The following SAMSN1 variants were observed in gnomAD, a reference collection of about 807,000 sequenced individuals.
SAMSN1 encodes the protein SAM domain, SH3 domain and nuclear localization signals 1, also known as SAM domain-containing protein SAMSN-1.
A neutral mutation model predicts 42.0 loss-of-function variants in SAMSN1; 31 were observed. The ratio of observed to expected loss-of-function variants is 0.74; its 90% confidence interval spans 0.55 to 1.00. The LOEUF (loss-of-function observed/expected upper bound fraction) is 1.00. SAMSN1 is among the 50% of genes least tolerant of loss of function. The pLI, the probability that SAMSN1 is intolerant of heterozygous loss-of-function variation, is 0.00. For missense variants in SAMSN1, 464 were observed against 439.4 expected (o/e 1.06, Z -0.50); for synonymous variants, 178 against 151.9 (o/e 1.17, Z -1.26).
chr21:14,617,472 T>G (rs1600966419), intron 2 of SAMSN1, among the ~76,000 whole-genome samples: 1 of 152,134 alleles, frequency 6.6e-6, no homozygotes, highest in South Asian at 2.1e-4. Flanking sequence ...CATCCATCTT[T>G]ATAGTAGTGT....
chr21:14,489,298 T>C (rs1472183135), intron 7 of SAMSN1, among the ~76,000 whole-genome samples: 1 of 152,186 alleles, frequency 6.6e-6, no homozygotes, highest in African/African-American at 2.4e-5. Flanking sequence ...GATGTTTCAG[T>C]GCATCTTTTT....
chr21:14,498,442 T>A lies in SAMSN1; in HGVS notation c.919A>T (p.Ile307Phe), dbSNP rs1206298406. The stretch of plus-strand genomic sequence containing the variant: ...GAGAAGAGTAGGTGTACACACTTAC[T>A]TTCTTCTTCAAGGAAGTTTTCAGCA... ...SAAENFLEEE[I>F]IQEQENEPEP... Residue 307 changes from isoleucine to phenylalanine, a missense_variant and splice_region_variant, in exon 7 of 8, where the codon ATT (isoleucine) becomes TTT (phenylalanine). Coordinates refer to ENST00000400566, the MANE Select transcript of SAMSN1 (RefSeq NM_022136.5). 1 of 1,609,518 alleles carries A rather than the reference T, an allele frequency of 6.2e-7. No homozygotes were observed. The highest frequency in any genetic ancestry group is 8.5e-7 in the Non-Finnish European group (1 of 1,178,654).
At position 14,500,658 on chromosome 21, in the gene SAMSN1, G is replaced by A; in HGVS notation, c.639C>T (p.Asn213=). The A allele has an allele frequency of 1.2e-6, 2 of 1,614,006 alleles. No homozygotes were observed. Among genetic ancestry groups the A allele is most frequent in the Middle Eastern group, 1.6e-4 (1 of 6,062 alleles). Residue 213 remains asparagine, a synonymous_variant, in exon 6 of 8, where the codon AAC becomes AAT. Transcript: ENST00000400566. ...WTGMLNNKVG[N]FKFIYVDVIS... ...TGACATCCACATAAATGAATTTGAA[G>A]TTTCCCACTTTATTGTTCAACATTC...
At chr21:14,542,076 T>C (rs1980080661) in intron 1 of SAMSN1, among the ~76,000 whole-genome samples, 1 of 152,220 alleles carries the variant, frequency 6.6e-6, no homozygotes, top group South Asian at 2.1e-4. Context: ...TTGACATGTG[T>C]GTGGACGCCT....
intron 3 of SAMSN1, among the ~76,000 whole-genome samples, chr21:14,614,804 C>T (rs557580185): frequency 6.6e-6 from 1 of 152,030 alleles, no homozygotes; most frequent in South Asian, 2.1e-4. Flanking sequence ...TCATTTCCAT[C>T]AGGAGAGTGG....
intron 2 of SAMSN1, among the ~76,000 whole-genome samples, chr21:14,629,374 G>A (rs1983264377): frequency 6.6e-6 from 1 of 152,242 alleles, no homozygotes; most frequent in Admixed American, 6.5e-5. Flanking sequence ...AGGAACCAAT[G>A]AATTTAGATG....
At chr21:14,652,587 G>C (rs1398780186) in intron 1 of SAMSN1, among the ~76,000 whole-genome samples, 1 of 151,906 alleles carries the variant, frequency 6.6e-6, no homozygotes, top group African/African-American at 2.4e-5. Flanking sequence ...TATGAAACTA[G>C]AAGAAAACAT....
At chr21:14,584,037 G>A (rs1981845662), upstream of SAMSN1, among the ~76,000 whole-genome samples, 1 of 149,812 alleles carries the variant, frequency 6.7e-6, no homozygotes, top group South Asian at 2.1e-4. Context: ...AAAATGGATT[G>A]AATTCAGAAA....
intron 7 of SAMSN1, among the ~76,000 whole-genome samples, chr21:14,488,613 G>C (rs533268830): frequency 6.8e-4 from 104 of 152,070 alleles, no homozygotes; most frequent in Non-Finnish European, 1.4e-3. Flanking sequence ...AAATGTATTT[G>C]TTTTTATTTC....
intron 7 of SAMSN1, among the ~76,000 whole-genome samples, chr21:14,593,553 T>C (rs927977957): frequency 2.6e-5 from 4 of 152,178 alleles, no homozygotes; most frequent in Admixed American, 2.6e-4. Flanking sequence ...TAAAAAATGG[T>C]TTTACTATAT....
chr21:14,525,688 C>A (rs1199456447), intron 1 of SAMSN1, among the ~76,000 whole-genome samples: 4 of 152,168 alleles, frequency 2.6e-5, no homozygotes, highest in Admixed American at 1.3e-4. Flanking sequence ...GGAAGAAACA[C>A]AATTGGCCAT....
upstream of SAMSN1, among the ~76,000 whole-genome samples, chr21:14,548,333 A>T (rs947111867): frequency 6.6e-6 from 1 of 152,078 alleles, no homozygotes; most frequent in African/African-American, 2.4e-5. Flanking sequence ...ATGTTTGTGA[A>T]CTCTAAAAAG....
At chr21:14,585,553 A>G (rs1981892075), upstream of SAMSN1, 1 of 152,150 alleles carries the variant, frequency 6.6e-6, no homozygotes, top group Non-Finnish European at 1.5e-5. Context: ...GTAAGATCTC[A>G]TGTCCTAGAG....
intron 3 of SAMSN1, among the ~76,000 whole-genome samples, chr21:14,613,284 A>G (rs1232045518): frequency 1.3e-5 from 2 of 152,242 alleles, no homozygotes; most frequent in East Asian, 3.8e-4. Context: ...ACCATTATGC[A>G]ATCTCTAATA....
rs185471207 is a variant in SAMSN1 at position 14,576,618 on chromosome 21, G to T, written c.261+5518C>A. ...ATTGGTGAACATTAGCAGACCACCT[G>T]TTCCTCCAACTGAAACAGTTGCGTA... On this transcript the variant is annotated intron_variant, in intron 2 of 8. Transcript: ENST00000285670. Among the ~76,000 whole-genome samples the T allele has an allele frequency of 2.0e-5, 3 of 151,988 alleles. No individual in the cohort carries two copies. In the East Asian group the frequency reaches 5.8e-4, roughly 29 times the overall value.
At chr21:14,492,992 T>C (rs1281857494) in intron 7 of SAMSN1, among the ~76,000 whole-genome samples, 2 of 152,194 alleles carry the variant, frequency 1.3e-5, no homozygotes, top group African/African-American at 2.4e-5. Context: ...GCCCAGGCTA[T>C]GCTGGCACAC....
chr21:14,617,652 C>T (rs917840949), intron 2 of SAMSN1, among the ~76,000 whole-genome samples: 3 of 152,196 alleles, frequency 2.0e-5, no homozygotes, highest in African/African-American at 4.8e-5. Context: ...TGAATGTTGC[C>T]GTCTTCAAAA....
intron 1 of SAMSN1, among the ~76,000 whole-genome samples, chr21:14,656,251 A>G (rs1270725146): frequency 6.6e-6 from 1 of 151,866 alleles, no homozygotes; most frequent in African/African-American, 2.4e-5. Context: ...CAAACTTTCA[A>G]GAAGGACAAA....
At chr21:14,517,113 A>G in intron 2 of SAMSN1, 72 bp from the exon 3 acceptor site, 1 of 1,380,606 alleles carries the variant, frequency 7.2e-7, no homozygotes, top group Non-Finnish European at 9.9e-7. Flanking sequence ...TCACTGTTAC[A>G]GAGAACATTC....
Sources: allele counts gnomAD v4.1 joint callset (sites outside exome capture counted in the v4.1 genomes callset), GRCh38; gene constraint gnomAD v4.1.1; transcripts MANE v1.5; gene names NCBI Gene and HGNC (gene_info 2026-07-23, HGNC 2026-07-21).